The following RASSF3 variants were observed in gnomAD, a reference collection of about 807,000 sequenced individuals.
RASSF3 encodes ras association domain-containing protein 3.
Under a neutral mutation model 19.9 loss-of-function variants are expected in RASSF3, and 19 were observed. The observed-to-expected ratio is 0.96, with a 90% CI of 0.67 to 1.40. The LOEUF is 1.40. Ranked by LOEUF, RASSF3 falls within the 40% of genes most tolerant of loss-of-function variation. The probability of loss-of-function intolerance (pLI) is 0.00; values close to 1 mark genes in which losing one functional copy is unlikely to be tolerated. For missense variants in RASSF3, 306 were observed against 289.8 expected (o/e 1.06, Z -0.41); for synonymous variants, 110 against 104.2 (o/e 1.06, Z -0.34).
intron 1 of RASSF3, among the ~76,000 whole-genome samples, chr12:64,647,496 C>T (rs1317803061): frequency 3.3e-5 from 5 of 151,294 alleles, no homozygotes; most frequent in African/African-American, 4.9e-5. Flanking sequence ...CTGCAACCTC[C>T]GCCTCCCGAT....
At chr12:64,596,728 T>C (rs965835614) in intron 2 of RASSF3, among the ~76,000 whole-genome samples, 1 of 151,842 alleles carries the variant, frequency 6.6e-6, no homozygotes, top group Non-Finnish European at 1.5e-5. Flanking sequence ...CTCTTCAGTA[T>C]ATATATATAT....
At chr12:64,586,252 A>T (rs1452695474) in intron 2 of RASSF3, among the ~76,000 whole-genome samples, 1 of 151,016 alleles carries the variant, frequency 6.6e-6, no homozygotes, top group East Asian at 2.0e-4. Context: ...TGAACCCAGG[A>T]GGCGGAGGCG....
intron 1 of RASSF3, among the ~76,000 whole-genome samples, chr12:64,516,998 C>CAAAAAAAAAAAAAAAA (rs371430838): frequency 1.5e-4 from 8 of 51,950 alleles, no homozygotes; most frequent in Admixed American, 2.2e-4. Flanking sequence ...AAATCTGTCT[C>CAAAAAAAAAAAAAAAA]AAAAAAAAAA....
In RASSF3 at chr12:64,695,170, A is replaced by C; in HGVS notation, c.*258A>C. The C allele has an allele frequency of 2.7e-6, 1 of 376,110 alleles. No individual in the cohort carries two copies. The highest frequency in any genetic ancestry group is 3.9e-5 in the East Asian group (1 of 25,794). 23.3% of individuals were successfully genotyped at this position (376,110 alleles called of 1,614,324 possible). On this transcript the variant is annotated 3_prime_UTR_variant, in exon 5 of 5. Transcript: ENST00000542104. ...GTGAACCTGTCGCCTCATCAGGAGC[A>C]TTCGAGGGTGCTTGGAAGCATGAAC...
At chr12:64,648,544 A>C (rs562790496) in intron 1 of RASSF3, among the ~76,000 whole-genome samples, 24 of 150,924 alleles carry the variant, frequency 1.6e-4, no homozygotes, top group Admixed American at 1.4e-3. Context: ...GAGATGGAGC[A>C]CGTTCCTGGC....
At chr12:64,516,706 A>G (rs1868372802) in intron 1 of RASSF3, among the ~76,000 whole-genome samples, 1 of 150,210 alleles carries the variant, frequency 6.7e-6, no homozygotes, top group South Asian at 2.1e-4. Flanking sequence ...TTAACTGAAA[A>G]TAAGAAATCC....
chr12:64,660,659 G>A (rs1269512592), intron 1 of RASSF3, among the ~76,000 whole-genome samples: 7 of 152,158 alleles, frequency 4.6e-5, no homozygotes, highest in African/African-American at 9.6e-5. Context: ...TCTTTTTAAC[G>A]TATTTTTTCC....
chr12:64,519,170 C>T (rs569531336), intron 1 of RASSF3, among the ~76,000 whole-genome samples: 3 of 152,178 alleles, frequency 2.0e-5, no homozygotes, highest in South Asian at 4.1e-4. Flanking sequence ...GAGGCTGAGG[C>T]GGGAGGATAG....
At chr12:64,673,677 C>G (rs1872778669) in intron 1 of RASSF3, among the ~76,000 whole-genome samples, 1 of 152,222 alleles carries the variant, frequency 6.6e-6, no homozygotes, top group South Asian at 2.1e-4. Context: ...GTGCGTGGCT[C>G]GGAGTCCTCT....
At chr12:64,668,668 G>A (rs1872601344) in intron 1 of RASSF3, among the ~76,000 whole-genome samples, 1 of 145,294 alleles carries the variant, frequency 6.9e-6, no homozygotes, top group African/African-American at 2.5e-5. Context: ...GATGTTGACT[G>A]TTTTAATTTT....
chr12:64,644,227 C>G (rs1871648611), intron 1 of RASSF3, among the ~76,000 whole-genome samples: 1 of 152,132 alleles, frequency 6.6e-6, no homozygotes, highest in Admixed American at 6.5e-5. Flanking sequence ...ATATCCTATG[C>G]CTAACCTGTC....
At chr12:64,599,575 C>T (rs1024290744) in intron 2 of RASSF3, among the ~76,000 whole-genome samples, 3 of 152,214 alleles carry the variant, frequency 2.0e-5, no homozygotes, top group African/African-American at 7.2e-5. Context: ...ACACTCCTCT[C>T]ACCCTAGGTT....
chr12:64,525,862 C>T lies in RASSF3; in HGVS notation c.170-15719C>T, dbSNP rs551110717. Among the ~76,000 whole-genome samples, 7 of 152,196 alleles carry T rather than the reference C, an allele frequency of 4.6e-5. No individual in the cohort carries two copies. The South Asian group carries it at 1.4e-3, about 32-fold the overall frequency. On this transcript the variant is annotated intron_variant, in intron 1 of 5. Transcript: ENST00000637125. ...TTGATTCCTCGCTGCTACTGTGATG[C>T]GTGTGAAAGACAGTATTGAAAGAGG...
rs567165524 is a variant in RASSF3 at position 64,613,708 on chromosome 12, G to A, written c.111+2965G>A. On this transcript the variant is annotated intron_variant, in intron 1 of 4. Transcript: ENST00000542104. The stretch of plus-strand genomic sequence containing the variant: ...TGCCTGTAATTCCAGCACTTTGGGA[G>A]GCTGAGATGGGAGGATTGCTTGAGC... Among the ~76,000 whole-genome samples the A allele has an allele frequency of 3.2e-4, 49 of 152,256 alleles. 1 individual carries two copies. The East Asian group carries it at 8.9e-3, about 28-fold the overall frequency.
intron 1 of RASSF3, among the ~76,000 whole-genome samples, chr12:64,669,408 G>A (rs1592458242): frequency 6.6e-6 from 1 of 152,108 alleles, no homozygotes; most frequent in East Asian, 1.9e-4. Flanking sequence ...GTCACACGTG[G>A]AGATAAGGAT....
At chr12:64,511,771 A>T (rs1291403160) in intron 1 of RASSF3, among the ~76,000 whole-genome samples, 2 of 152,208 alleles carry the variant, frequency 1.3e-5, no homozygotes, top group East Asian at 1.9e-4. Context: ...ATTTATTTTT[A>T]AAAATATTTT....
chr12:64,634,189 G>A (rs61931629), intron 1 of RASSF3, among the ~76,000 whole-genome samples: 21,648 of 152,022 alleles, frequency 0.14, 1,583 homozygotes, highest in Middle Eastern at 0.17. Flanking sequence ...GGTGTTGGCT[G>A]TTGTTTCTGC....
At chr12:64,582,715 C>T (rs1224318975) in intron 2 of RASSF3, among the ~76,000 whole-genome samples, 2 of 152,114 alleles carry the variant, frequency 1.3e-5, no homozygotes, top group Non-Finnish European at 2.9e-5. Context: ...GGCTTAGGAA[C>T]AAGTACCCTG....
chr12:64,617,629 C>T lies in RASSF3; in HGVS notation c.111+6886C>T, dbSNP rs116609920. Among the ~76,000 whole-genome samples the T allele has an allele frequency of 4.2e-3, 635 of 152,324 alleles. 5 individuals carry two copies. The highest frequency in any genetic ancestry group is 0.015 in the African/African-American group (616 of 41,576). On this transcript the variant is annotated intron_variant, in intron 1 of 4. Transcript: ENST00000542104. Reference sequence around the variant, plus strand: ...CTGGAGTACAATGATGCGATCTCCACTCACCGCAACCTCTGCCTCCTGGGT... The same window carrying T: ...CTGGAGTACAATGATGCGATCTCCATTCACCGCAACCTCTGCCTCCTGGGT...
Sources: gnomAD v4.1 joint callset for allele counts (sites outside exome capture counted in the v4.1 genomes callset) on GRCh38, gnomAD v4.1.1 for gene constraint, MANE v1.5 for transcripts, NCBI Gene and HGNC (gene_info 2026-07-23, HGNC 2026-07-21) for gene names.